Variants in NEMF observed in about 807,000 individuals in gnomAD.
NEMF encodes the protein nuclear export mediator factor, also known as ribosome quality control complex subunit NEMF.
Under a neutral mutation model 162.2 loss-of-function variants are expected in NEMF, and 89 were observed. That is an observed-to-expected ratio of 0.55 (90% CI 0.46 to 0.65). NEMF has a LOEUF of 0.65. Among genes scored for constraint, NEMF ranks in the 30% least tolerant of loss-of-function variants. NEMF has a pLI of 0.00. For synonymous variants in NEMF, 421 were observed against 404.5 expected (o/e 1.04, Z -0.49); for missense variants, 1,133 against 1,261.9 (o/e 0.90, Z 1.55).
chr14:49,809,661 A>T (rs961511620), intron 18 of NEMF, among the ~76,000 whole-genome samples: 1 of 151,548 alleles, frequency 6.6e-6, no homozygotes, highest in African/African-American at 2.4e-5. Flanking sequence ...GGAGTTCGAG[A>T]CCAGCCTGGC....
chr14:49,812,103 A>G (rs1167439774), intron 18 of NEMF, among the ~76,000 whole-genome samples: 1 of 152,090 alleles, frequency 6.6e-6, no homozygotes, highest in Admixed American at 6.5e-5. Context: ...CTGTACTTAC[A>G]GGTTTATTTC....
chr14:49,801,532 C>A lies in NEMF; in HGVS notation c.2096-836G>T, dbSNP rs868271250. On this transcript the variant is annotated intron_variant, in intron 22 of 32. Transcript: ENST00000298310. ...AAGAATGTAAATAAGGCACTTTATA[C>A]AGTCCCAGGGAAATGGTGAGCCTCA... The A allele has an allele frequency of 1.4e-4, 21 of 151,342 alleles. 1 individual carries two copies. The highest frequency in any genetic ancestry group is 3.5e-3 in the Middle Eastern group (1 of 288). The allele number at this position is 151,342 out of a possible 1,614,324, so 9.4% of individuals were successfully genotyped here.
intron 4 of NEMF, among the ~76,000 whole-genome samples, chr14:49,843,215 C>G (rs1726619984): frequency 6.6e-6 from 1 of 152,008 alleles, no homozygotes; most frequent in Admixed American, 6.6e-5. Context: ...AATAAAAGAG[C>G]CAGGCGTGGT....
At chr14:49,794,616 C>T (rs1204852727) in intron 26 of NEMF, among the ~76,000 whole-genome samples, 1 of 129,310 alleles carries the variant, frequency 7.7e-6, no homozygotes, top group Non-Finnish European at 1.6e-5. Context: ...AAGACCCTGT[C>T]TCTAAAAAAA....
intron 6 of NEMF, among the ~76,000 whole-genome samples, chr14:49,835,737 A>G (rs574555561): frequency 6.6e-6 from 1 of 152,364 alleles, no homozygotes; most frequent in Admixed American, 6.5e-5. Flanking sequence ...CACAGATGAC[A>G]TGATCCTGTA....
At chr14:49,810,741 AGT>A (rs1328460022) in intron 18 of NEMF, among the ~76,000 whole-genome samples, 6 of 152,216 alleles carry the variant, frequency 3.9e-5, no homozygotes, top group African/African-American at 1.4e-4. Context: ...CTGTAATCCC[AGT>A]ACTTTAGGAG....
chr14:49,841,005 T>C (rs1893174261), intron 4 of NEMF, 139 bp from the exon 5 acceptor site: 1 of 640,544 alleles, frequency 1.6e-6, no homozygotes, highest in African/African-American at 1.9e-5. Flanking sequence ...GAGACCAGCC[T>C]GGCCAACATG....
intron 6 of NEMF, among the ~76,000 whole-genome samples, chr14:49,837,811 C>T (rs1180378170): frequency 1.1e-5 from 1 of 92,776 alleles, no homozygotes; most frequent in Admixed American, 1.4e-4. Context: ...TGAGACCCAC[C>T]AATTAAAAAA....
chr14:49,784,637 T>C lies in NEMF; in HGVS notation c.3230A>G (p.Ter1077TrpextTer3). The change falls in exon 33 of 33, where the codon TAG becomes TGG. Residue 1077 changes from the stop codon to tryptophan (W), a stop_lost. Coordinates refer to ENST00000298310, the MANE Select transcript of NEMF (RefSeq NM_004713.6). ...APNLLNVKRK[*>W] ...AAATATTTTAGAATTTCATTTCAGC[T>C]ATTTCCTTTTTACGTTCAGAAGATT... The C allele has an allele frequency of 6.2e-7, 1 of 1,603,382 alleles. No individual in the cohort carries two copies. The highest frequency in any genetic ancestry group is 8.5e-7 in the Non-Finnish European group (1 of 1,173,074).
At chr14:49,831,256 C>G in intron 11 of NEMF, 43 bp downstream of exon 11, 1 of 1,137,150 alleles carries the variant, frequency 8.8e-7, no homozygotes, top group Non-Finnish European at 1.3e-6. Context: ...CATCAAGCCG[C>G]TAAAGACTAG....
chr14:49,786,669 T>G (rs1321770799), intron 29 of NEMF, 49 bp downstream of exon 29: 1 of 1,524,282 alleles, frequency 6.6e-7, no homozygotes, highest in Admixed American at 1.7e-5. Context: ...TTCTGGGAAC[T>G]GAATTGTAAT....
chr14:49,805,914 G>C, intron 19 of NEMF, 107 bp downstream of exon 19: 1 of 569,876 alleles, frequency 1.8e-6, no homozygotes, highest in Non-Finnish European at 3.1e-6. Context: ...CTACCAAAAA[G>C]AGTTAGCTCT....
intron 26 of NEMF, among the ~76,000 whole-genome samples, chr14:49,791,377 G>C (rs755982052): frequency 3.9e-5 from 6 of 152,062 alleles, no homozygotes; most frequent in Non-Finnish European, 5.9e-5. Flanking sequence ...AGCCTTCTGG[G>C]ATGCTGGAAA....
At chr14:49,785,161 C>A (rs1000419891) in intron 30 of NEMF, 26 bp from the exon 31 acceptor site, 1 of 1,600,430 alleles carries the variant, frequency 6.2e-7, no homozygotes, top group African/African-American at 1.3e-5. Context: ...ACATGTGTTA[C>A]TAAATAGACG....
chr14:49,844,138 G>C (rs967220779), intron 4 of NEMF, among the ~76,000 whole-genome samples: 2 of 151,078 alleles, frequency 1.3e-5, no homozygotes, highest in Non-Finnish European at 3.0e-5. Context: ...AAAAACCGCA[G>C]TCCCCAGCCT....
chr14:49,784,916 G>T lies in NEMF; in HGVS notation c.3153+9C>A. 1.9e-6 allele frequency: 3 copies of T among 1,609,350 alleles called. No individual in the cohort carries two copies. Among genetic ancestry groups the T allele is most frequent in the East Asian group, 2.2e-5 (1 of 44,830 alleles). Reference sequence around the variant, plus strand: ...GTCTCCACATTCCTTTTCTGAAGGAGAACTTTACCTTTACGCTGCGGAATA... The same window carrying T: ...GTCTCCACATTCCTTTTCTGAAGGATAACTTTACCTTTACGCTGCGGAATA... On this transcript the variant is annotated intron_variant, in intron 32 of 32. Coordinates refer to ENST00000298310, the MANE Select transcript of NEMF (RefSeq NM_004713.6).
Position 49,844,764 on chromosome 14 carries a change from C to T in NEMF, c.357+1376G>A, listed in dbSNP as rs58235125. On this transcript the variant is annotated intron_variant, in intron 4 of 32. Transcript: ENST00000298310. Reference sequence around the variant, plus strand: ...ACACACACACACACACACACACACACATATATTTTTTTTTTCCTTTTTGAG... The same window carrying T: ...ACACACACACACACACACACACACATATATATTTTTTTTTTCCTTTTTGAG... The T allele has an allele frequency of 2.2e-4, 74 of 329,284 alleles. 8 individuals are homozygous for T. The highest frequency in any genetic ancestry group is 1.0e-3 in the African/African-American group (41 of 39,908). 20.4% of individuals were successfully genotyped at this position (329,284 alleles called of 1,614,324 possible).
At chr14:49,803,022 G>A (rs1414702843) in intron 20 of NEMF, among the ~76,000 whole-genome samples, 3 of 152,166 alleles carry the variant, frequency 2.0e-5, no homozygotes, top group Admixed American at 2.0e-4. Context: ...TAAACTATGT[G>A]AAAGTGCACT....
intron 26 of NEMF, among the ~76,000 whole-genome samples, chr14:49,794,044 C>CTACAA (rs1890575061): frequency 6.6e-6 from 1 of 152,032 alleles, no homozygotes; most frequent in African/African-American, 2.4e-5. Context: ...CTCAAATGAT[C>CTACAA]TACAATATTA....
Sources: allele counts gnomAD v4.1 joint callset (sites outside exome capture counted in the v4.1 genomes callset), GRCh38; gene constraint gnomAD v4.1.1; transcripts MANE v1.5; gene names NCBI Gene and HGNC (gene_info 2026-07-23, HGNC 2026-07-21).